PHACTR2: variants seen among roughly 807,000 people sequenced by gnomAD.
The protein encoded by PHACTR2 is chromosome 6 open reading frame 56.
PHACTR2 carries 30 observed loss-of-function variants against 76.0 expected under a neutral mutation model. That is an observed-to-expected ratio of 0.39 (90% CI 0.30 to 0.54). PHACTR2 has a LOEUF of 0.54. Among genes scored for constraint, PHACTR2 ranks in the 20% least tolerant of loss-of-function variants. The pLI is 0.61. For missense variants in PHACTR2, 696 were observed against 781.1 expected (o/e 0.89, Z 1.30); for synonymous variants, 292 against 292.5 (o/e 1.00, Z 0.02).
At chr6:143,665,298 CT>C (rs1316153207) in intron 1 of PHACTR2, among the ~76,000 whole-genome samples, 2 of 152,158 alleles carry the variant, frequency 1.3e-5, no homozygotes, top group African/African-American at 4.8e-5. Context: ...TGGGATTTGC[CT>C]TTTCTGTCTC....
rs1776122294 is a variant in PHACTR2, at chr6:143,619,932, T to G, written c.13+11610T>G. ...CGCCGATCATGCTTGCTTGTGGTAC[T>G]TACAGAACATGTCACTCGGTCGGGG... is the stretch of plus-strand genomic sequence containing the variant. On this transcript the variant is annotated intron_variant, in intron 1 of 11. Coordinates refer to the PHACTR2 transcript ENST00000305766. The surrounding 1 kb of genome is among the most constrained non-coding windows in gnomAD (Gnocchi z 4.5). 6.7e-6 allele frequency among the ~76,000 whole-genome samples: 1 copy of G among 149,384 alleles called. No homozygotes were observed. The highest frequency in any genetic ancestry group is 6.7e-5 in the Admixed American group (1 of 14,838).
chr6:143,745,482 G>A (rs991370014), intron 2 of PHACTR2, among the ~76,000 whole-genome samples: 1 of 152,204 alleles, frequency 6.6e-6, no homozygotes, highest in African/African-American at 2.4e-5. Context: ...AATATTCTGA[G>A]ACAGCCCCTG....
chr6:143,544,351 G>A (rs1781202733), intron 1 of PHACTR2, among the ~76,000 whole-genome samples: 1 of 151,780 alleles, frequency 6.6e-6, no homozygotes, highest in Non-Finnish European at 1.5e-5. Flanking sequence ...TGTTACAGGA[G>A]TGTTGCCATG....
intron 1 of PHACTR2, among the ~76,000 whole-genome samples, chr6:143,657,839 C>T (rs902511344): frequency 5.3e-5 from 8 of 152,106 alleles, no homozygotes; most frequent in Non-Finnish European, 7.4e-5. Context: ...GGTGGTATCT[C>T]GGGCAAGCCT....
At chr6:143,559,690 C>CTTTTTTTTTTTTTTTTTTTTTTTT (rs5880566) in intron 1 of PHACTR2, among the ~76,000 whole-genome samples, 1 of 31,904 alleles carries the variant, frequency 3.1e-5, no homozygotes, top group Non-Finnish European at 5.4e-5. Context: ...TTTTTCTTTT[C>CTTTTTTTTTTTTTTTTTTTTTTTT]TTTTTTTTTT....
In PHACTR2 at chr6:143,788,762, T is replaced by C. The variant is rs746135253; in HGVS notation, c.1708-11T>C. The C allele has an allele frequency of 1.9e-6, 3 of 1,604,388 alleles. No individual in the cohort carries two copies. Among genetic ancestry groups the C allele is most frequent in the Non-Finnish European group, 1.7e-6 (2 of 1,173,012 alleles). ...TTACTGAACTCTGCCTTTTTCCTTG[T>C]CCTCCTGCAGCTCAGCCTGAGACCC... On this transcript the variant is annotated splice_polypyrimidine_tract_variant and intron_variant, in intron 10 of 12. Transcript: ENST00000440869.
chr6:143,542,922 C>G (rs1781184473), intron 1 of PHACTR2, among the ~76,000 whole-genome samples: 1 of 152,136 alleles, frequency 6.6e-6, no homozygotes, highest in Non-Finnish European at 1.5e-5. Flanking sequence ...AGGGACTGAG[C>G]CTGGCCAGTT....
intron 2 of PHACTR2, among the ~76,000 whole-genome samples, chr6:143,735,473 G>A (rs1006589534): frequency 4.6e-5 from 7 of 151,976 alleles, no homozygotes; most frequent in Middle Eastern, 3.4e-3. Context: ...TACCATCTTA[G>A]CCATTTTAGG....
At position 143,684,795 on chromosome 6, in the gene PHACTR2, A is replaced by G. The variant is rs187008150; in HGVS notation, c.46+6586A>G. On this transcript the variant is annotated intron_variant, in intron 1 of 12. Coordinates refer to ENST00000440869, the MANE Select transcript of PHACTR2 (RefSeq NM_001100164.2). The surrounding 1 kb of genome is among the most constrained non-coding windows in gnomAD (Gnocchi z 4.3). ...TTAATTCCCACTCATTCTCTTACCT[A>G]TGTGTCCTTCTGCAGTCAACACTCT... 5.3e-5 allele frequency among the ~76,000 whole-genome samples: 8 copies of G among 152,286 alleles called. No individual in the cohort carries two copies. Among genetic ancestry groups the G allele is most frequent in the Non-Finnish European group, 1.2e-4 (8 of 68,034 alleles).
At position 143,772,372 on chromosome 6, in the gene PHACTR2, CCAAG is replaced by C; in HGVS notation, c.1349_1352del (p.Gln450ProfsTer53). The C allele has an allele frequency of 1.9e-6, 3 of 1,614,042 alleles. No individual in the cohort carries two copies. The highest frequency in any genetic ancestry group is 2.5e-6 in the Non-Finnish European group (3 of 1,179,956). On this transcript the variant is annotated frameshift_variant, in exon 7 of 13. Transcript: ENST00000440869. LOFTEE classifies it high-confidence loss of function. The surrounding 1 kb of genome is among the most constrained non-coding windows in gnomAD (Gnocchi z 5.4). Reference sequence around the variant, plus strand: ...CAGAAGATGAAGGCCACAGGGAATACCAAGCCAATGACTCTGACTCGGACGGGCC... The same window carrying C: ...CAGAAGATGAAGGCCACAGGGAATACCCAATGACTCTGACTCGGACGGGCC...
At chr6:143,706,172 T>C (rs775848662) in intron 1 of PHACTR2, among the ~76,000 whole-genome samples, 3 of 152,216 alleles carry the variant, frequency 2.0e-5, no homozygotes, top group Admixed American at 2.0e-4. Context: ...TTTGAGCACT[T>C]TCTGGGACTA....
At chr6:143,748,683 C>T (rs566177554) in intron 2 of PHACTR2, among the ~76,000 whole-genome samples, 5 of 152,308 alleles carry the variant, frequency 3.3e-5, no homozygotes, top group African/African-American at 7.2e-5. Context: ...CTAGCTTCAG[C>T]GTGAGAAGCA....
At chr6:143,622,734 T>TG (rs1337170895) in intron 1 of PHACTR2, among the ~76,000 whole-genome samples, 1 of 152,168 alleles carries the variant, frequency 6.6e-6, no homozygotes, top group Non-Finnish European at 1.5e-5. Flanking sequence ...CCTTGATTTT[T>TG]TTGTGTGTGT....
In PHACTR2 at chr6:143,680,809, G is replaced by C. The variant is rs1273544394; in HGVS notation, c.46+2600G>C. ...TAATGAAACACTAATCAACTTTTCT[G>C]TCTCTATAGATTTTCTTATTGAGAA... On this transcript the variant is annotated intron_variant, in intron 1 of 12. Transcript: ENST00000440869. This position sits in a 1 kb window ranked among gnomAD's most constrained non-coding sequence, Gnocchi z 4.5. Among the ~76,000 whole-genome samples, 1 of 151,998 alleles carries C rather than the reference G, an allele frequency of 6.6e-6. No homozygotes were observed. The highest frequency in any genetic ancestry group is 1.5e-5 in the Non-Finnish European group (1 of 67,984).
chr6:143,594,433 G>C (rs530424779), intron 1 of PHACTR2, among the ~76,000 whole-genome samples: 51 of 152,364 alleles, frequency 3.3e-4, no homozygotes, highest in Non-Finnish European at 4.3e-4. Context: ...CACTCAGTGA[G>C]TGTCAGTGGA....
At chr6:143,722,000 C>T (rs551289233) in intron 2 of PHACTR2, among the ~76,000 whole-genome samples, 1 of 152,244 alleles carries the variant, frequency 6.6e-6, no homozygotes, top group Non-Finnish European at 1.5e-5. Flanking sequence ...ACTTCACCAA[C>T]CACATTTTCA....
At chr6:143,609,094 C>T (rs1411288533) in intron 1 of PHACTR2, among the ~76,000 whole-genome samples, 1 of 152,166 alleles carries the variant, frequency 6.6e-6, no homozygotes, top group East Asian at 1.9e-4. Flanking sequence ...TCCTGAAGCT[C>T]ATTAGTTCAG....
chr6:143,699,863 G>A (rs952523677), intron 1 of PHACTR2, among the ~76,000 whole-genome samples: 21 of 152,152 alleles, frequency 1.4e-4, no homozygotes, highest in Non-Finnish European at 2.9e-4. Context: ...GAGCTATAAG[G>A]ACGTAAATCT....
intron 1 of PHACTR2, among the ~76,000 whole-genome samples, chr6:143,649,061 G>A (rs1776710938): frequency 6.6e-6 from 1 of 152,104 alleles, no homozygotes; most frequent in African/African-American, 2.4e-5. Flanking sequence ...CACTCAAAAT[G>A]CTTCTGTGGA....
Sources: gnomAD v4.1 joint callset for allele counts (sites outside exome capture counted in the v4.1 genomes callset) on GRCh38, gnomAD v4.1.1 for gene constraint, Gnocchi (gnomAD v3.1) non-coding constraint, MANE v1.5 for transcripts, NCBI Gene and HGNC (gene_info 2026-07-23, HGNC 2026-07-21) for gene names.